The following PCDHGA8 variants were observed in gnomAD, a reference collection of about 807,000 sequenced individuals.
PCDHGA8 encodes the protein protocadherin gamma subfamily A, 8.
Under a neutral mutation model 59.2 loss-of-function variants are expected in PCDHGA8, and 45 were observed. The observed-to-expected ratio is 0.76, with a 90% CI of 0.60 to 0.98. The LOEUF (loss-of-function observed/expected upper bound fraction) is 0.98. Ranked by LOEUF, PCDHGA8 falls within the 50% of genes least tolerant of loss-of-function variation. The pLI is 0.00. For missense variants in PCDHGA8, 1,257 were observed against 1,196.2 expected (o/e 1.05, Z -0.75); for synonymous variants, 531 against 519.0 (o/e 1.02, Z -0.32).
At chr5:141,501,926 C>T (rs1388315216) in intron 2 of PCDHGA8, among the ~76,000 whole-genome samples, 1 of 152,126 alleles carries the variant, frequency 6.6e-6, no homozygotes, top group African/African-American at 2.4e-5. Flanking sequence ...AGCTTTGTTC[C>T]CTCAACACCA....
chr5:141,470,597 T>A (rs1309687738), intron 1 of PCDHGA8, among the ~76,000 whole-genome samples: 5 of 152,216 alleles, frequency 3.3e-5, no homozygotes, highest in Non-Finnish European at 7.3e-5. Flanking sequence ...AGGCGACCTG[T>A]GCGGGGACAC....
At chr5:141,500,260 C>G (rs2099798502) in intron 2 of PCDHGA8, among the ~76,000 whole-genome samples, 3 of 151,104 alleles carry the variant, frequency 2.0e-5, no homozygotes, top group African/African-American at 2.4e-5. Flanking sequence ...CCAGGCTGGA[C>G]TGCAGTGGCG....
Position 141,426,411 on chromosome 5 carries a change from C to A in PCDHGA8, c.2424+31174C>A, listed in dbSNP as rs1561821998. 10 of 286,096 alleles carry A rather than the reference C, an allele frequency of 3.5e-5. No homozygotes were observed. In the South Asian group the frequency reaches 3.7e-4, roughly 11 times the overall value. The allele number at this position is 286,096 out of a possible 1,614,324, so 17.7% of individuals were successfully genotyped here. On this transcript the variant is annotated intron_variant, in intron 1 of 3. Coordinates refer to ENST00000398604, the MANE Select transcript of PCDHGA8 (RefSeq NM_032088.2). ...GCTACTCTATTCCAGAAGAAACGGT[C>A]CAGGGCTCCGTGGTGGGGAACCTTG... is the stretch of plus-strand genomic sequence containing the variant.
In PCDHGA8 at chr5:141,491,272, A is replaced by G. The variant is rs2099710110; in HGVS notation, c.2425-3535A>G. On this transcript the variant is annotated intron_variant, in intron 1 of 3. Transcript: ENST00000398604. The surrounding 1 kb of genome is among the most constrained non-coding windows in gnomAD (Gnocchi z 6.9). The stretch of plus-strand genomic sequence containing the variant: ...GGACCCTGAGGAAATGCCCAAATCC[A>G]GTGACTTCCTCATACACCCTCCTGA... The G allele has an allele frequency of 1.2e-6, 2 of 1,614,084 alleles. No homozygotes were observed. Among genetic ancestry groups the G allele is most frequent in the Non-Finnish European group, 1.7e-6 (2 of 1,179,928 alleles).
In PCDHGA8 at chr5:141,477,125, A is replaced by G; in HGVS notation, c.2425-17682A>G. The G allele has an allele frequency of 2.5e-6, 4 of 1,614,212 alleles. No individual in the cohort carries two copies. The highest frequency in any genetic ancestry group is 3.4e-6 in the Non-Finnish European group (4 of 1,180,036). On this transcript the variant is annotated intron_variant, in intron 1 of 3. Transcript: ENST00000398604. This position sits in a 1 kb window ranked among gnomAD's most constrained non-coding sequence, Gnocchi z 4.9. ...CGCCAATCCCGAAGGAGCACATTGC[A>G]AAGTGTTGGTGGAGGTTGTGGATGT...
chr5:141,489,191 T>C lies in PCDHGA8; in HGVS notation c.2425-5616T>C. On this transcript the variant is annotated intron_variant, in intron 1 of 3. Coordinates refer to ENST00000398604, the MANE Select transcript of PCDHGA8 (RefSeq NM_032088.2). The surrounding 1 kb of genome is among the most constrained non-coding windows in gnomAD (Gnocchi z 4.5). ...CTGCATTCCAAGCCCTGGGTCTACC[T>C]TGGAGACAGGACAGCACAGACTTAC... The C allele has an allele frequency of 7.3e-7, 1 of 1,364,400 alleles. No homozygotes were observed. Among genetic ancestry groups the C allele is most frequent in the Middle Eastern group, 1.9e-4 (1 of 5,334 alleles). The allele number at this position is 1,364,400 out of a possible 1,614,324, so 84.5% of individuals were successfully genotyped here. A position where few individuals can be genotyped will look rare whatever the true frequency, so the allele number is the denominator to read the frequency against.
Position 141,486,862 on chromosome 5 carries a change from A to G in PCDHGA8, c.2425-7945A>G. The G allele has an allele frequency of 6.2e-7, 1 of 1,614,256 alleles. No individual in the cohort carries two copies. The highest frequency in any genetic ancestry group is 1.3e-5 in the African/African-American group (1 of 75,078). On this transcript the variant is annotated intron_variant, in intron 1 of 3. Transcript: ENST00000398604. This position sits in a 1 kb window ranked among gnomAD's most constrained non-coding sequence, Gnocchi z 5.0. Reference sequence around the variant, plus strand: ...TGCTGGACCTCAATGACAATGCTCCAGCTGTGCTCCGTCCTCGGGCCCGGC... The same window carrying G: ...TGCTGGACCTCAATGACAATGCTCCGGCTGTGCTCCGTCCTCGGGCCCGGC...
At chr5:141,426,882 C>A (rs528411309) in intron 1 of PCDHGA8, 1 of 456,664 alleles carries the variant, frequency 2.2e-6, no homozygotes, top group African/African-American at 2.0e-5. Context: ...GCCCCTGGGC[C>A]AGGAGCAACA....
chr5:141,458,578 TG>T, intron 1 of PCDHGA8, among the ~76,000 whole-genome samples: 1 of 152,138 alleles, frequency 6.6e-6, no homozygotes. Context: ...TTTGTTTGTT[TG>T]TTTGTTTTGG....
At chr5:141,496,760 G>A (rs144857340) in intron 2 of PCDHGA8, among the ~76,000 whole-genome samples, 4 of 152,108 alleles carry the variant, frequency 2.6e-5, no homozygotes, top group East Asian at 1.9e-4. Context: ...AATATTTATC[G>A]AGCATCTACT....
chr5:141,489,150 TAA>T lies in PCDHGA8; in HGVS notation c.2425-5656_2425-5655del. 1.2e-6 allele frequency: 1 copy of T among 862,654 alleles called. No homozygotes were observed. Among genetic ancestry groups the T allele is most frequent in the Non-Finnish European group, 1.7e-6 (1 of 575,074 alleles). The allele number at this position is 862,654 out of a possible 1,614,324, so 53.4% of individuals were successfully genotyped here. On this transcript the variant is annotated intron_variant, in intron 1 of 3. Coordinates refer to ENST00000398604, the MANE Select transcript of PCDHGA8 (RefSeq NM_032088.2). This position sits in a 1 kb window ranked among gnomAD's most constrained non-coding sequence, Gnocchi z 4.5. ...GTTTTTAAGAGGCTGGAAGGAGACA[TAA>T]GAGACTTCAGCTGCTGCATTCCAAG... is the stretch of plus-strand genomic sequence containing the variant.
chr5:141,511,115 A>G lies in PCDHGA8; in HGVS notation c.2741A>G (p.Lys914Arg). 6.2e-7 allele frequency: 1 copy of G among 1,614,214 alleles called. No individual in the cohort carries two copies. Among genetic ancestry groups the G allele is most frequent in the Non-Finnish European group, 8.5e-7 (1 of 1,180,006 alleles). ...AACGCAGCTGGCAAGCGGGATGGCA[A>G]GGCCCCAGCAGGTGGCAATGGCAAC... Reference protein sequence around the residue: ...LTNAAGKRDGKAPAGGNGNKK... With the variant: ...LTNAAGKRDGRAPAGGNGNKK... Residue 914 changes from lysine (K) to arginine (R), a missense_variant, in exon 4 of 4, where the codon AAG becomes AGG. Coordinates refer to ENST00000398604, the MANE Select transcript of PCDHGA8 (RefSeq NM_032088.2).
rs141958687 is a variant in PCDHGA8 at position 141,509,744 on chromosome 5, G to A, written c.2573-1203G>A. 3.3e-3 allele frequency among the ~76,000 whole-genome samples: 509 copies of A among 152,266 alleles called. 3 individuals are homozygous for A. The highest frequency in any genetic ancestry group is 5.5e-3 in the Non-Finnish European group (372 of 68,024). On this transcript the variant is annotated intron_variant, in intron 3 of 3. Coordinates refer to ENST00000398604, the MANE Select transcript of PCDHGA8 (RefSeq NM_032088.2). ...CACCTAGCTGTGGCACTCTGAGCCT[G>A]TGCCTAAAGTGTCCCTGAGATGTCT...
intron 1 of PCDHGA8, among the ~76,000 whole-genome samples, chr5:141,468,758 C>T (rs929005462): frequency 6.6e-5 from 10 of 151,684 alleles, no homozygotes; most frequent in African/African-American, 2.2e-4. Context: ...CCCAGCTACT[C>T]GGGAGGCTGA....
chr5:141,489,692 G>A lies in PCDHGA8; in HGVS notation c.2425-5115G>A. 1.9e-6 allele frequency: 3 copies of A among 1,614,128 alleles called. No individual in the cohort carries two copies. The highest frequency in any genetic ancestry group is 1.7e-6 in the Non-Finnish European group (2 of 1,179,980). On this transcript the variant is annotated intron_variant, in intron 1 of 3. Coordinates refer to ENST00000398604, the MANE Select transcript of PCDHGA8 (RefSeq NM_032088.2). The surrounding 1 kb of genome is among the most constrained non-coding windows in gnomAD (Gnocchi z 4.5). The stretch of plus-strand genomic sequence containing the variant: ...TCAGAATCAGCAGCATCTGGGGCAC[G>A]ATTCCCACTGGACAGTGCCCAGGAT...
At chr5:141,428,081 C>G (rs768842388) in intron 1 of PCDHGA8, 3 of 1,609,218 alleles carry the variant, frequency 1.9e-6, no homozygotes, top group South Asian at 2.2e-5. Context: ...CGGGACACAA[C>G]GCTTGGCTGT....
At chr5:141,470,602 G>A (rs1004044883) in intron 1 of PCDHGA8, among the ~76,000 whole-genome samples, 1 of 152,268 alleles carries the variant, frequency 6.6e-6, no homozygotes, top group South Asian at 2.1e-4. Flanking sequence ...ACCTGTGCGG[G>A]GACACAGGGC....
rs769909773 is a variant in PCDHGA8 at position 141,476,732 on chromosome 5, C to T, written c.2425-18075C>T. The T allele has an allele frequency of 8.7e-6, 14 of 1,614,096 alleles. No homozygotes were observed. Among genetic ancestry groups the T allele is most frequent in the Non-Finnish European group, 1.1e-5 (13 of 1,180,030 alleles). ...GTTGGAGCGCGCCCTGGACCGAGAA[C>T]GGGAGCCTAGTCTCCAGTTAGTGCT... is the stretch of plus-strand genomic sequence containing the variant. On this transcript the variant is annotated intron_variant, in intron 1 of 3. Coordinates refer to ENST00000398604, the MANE Select transcript of PCDHGA8 (RefSeq NM_032088.2). The surrounding 1 kb of genome is among the most constrained non-coding windows in gnomAD (Gnocchi z 7.6).
chr5:141,400,501 G>A lies in PCDHGA8; in HGVS notation c.2424+5264G>A, dbSNP rs574905149. 3.4e-5 allele frequency: 55 copies of A among 1,613,996 alleles called. 1 individual carries two copies. The East Asian group carries it at 1.1e-3, about 33-fold the overall frequency. On this transcript the variant is annotated intron_variant, in intron 1 of 3. Coordinates refer to ENST00000398604, the MANE Select transcript of PCDHGA8 (RefSeq NM_032088.2). ...CTTATTTCCACTTTGTAATTCCAGC[G>A]AGTCGACTTCCCATCCTGAGTTGGT... is the stretch of plus-strand genomic sequence containing the variant.
Sources: allele counts gnomAD v4.1 joint callset (sites outside exome capture counted in the v4.1 genomes callset), GRCh38; gene constraint gnomAD v4.1.1; non-coding constraint Gnocchi (gnomAD v3.1); transcripts MANE v1.5; gene names NCBI Gene and HGNC (gene_info 2026-07-23, HGNC 2026-07-21).